Variants in SYN2 observed in about 807,000 individuals in gnomAD.
The protein encoded by SYN2 is synapsin-2.
A neutral mutation model predicts 50.9 loss-of-function variants in SYN2; 19 were observed. The observed-to-expected ratio is 0.37, with a 90% CI of 0.26 to 0.55. The LOEUF (loss-of-function observed/expected upper bound fraction) is 0.55. Among genes scored for constraint, SYN2 ranks in the 20% least tolerant of loss-of-function variants. The probability of loss-of-function intolerance (pLI) is 0.81; values close to 1 mark genes in which losing one functional copy is unlikely to be tolerated. For synonymous variants in SYN2, 255 were observed against 224.9 expected (o/e 1.13, Z -1.20); for missense variants, 587 against 576.4 (o/e 1.02, Z -0.19).
Position 12,097,385 on chromosome 3 carries a change from T to C in SYN2, c.378-43266T>C, listed in dbSNP as rs141291934. ...ACTTTGGGAGGCCAAGATGGGTGGA[T>C]AACGAGGTCAGGAGATCAAGACCAT... On this transcript the variant is annotated intron_variant, in intron 1 of 12. Transcript: ENST00000621198. Among the ~76,000 whole-genome samples the C allele has an allele frequency of 1.1e-4, 16 of 152,090 alleles. No individual in the cohort carries two copies. In the East Asian group the frequency reaches 3.1e-3, roughly 30 times the overall value.
intron 1 of SYN2, among the ~76,000 whole-genome samples, chr3:12,102,553 C>T (rs912422117): frequency 3.3e-5 from 5 of 152,158 alleles, no homozygotes; most frequent in African/African-American, 1.2e-4. Flanking sequence ...TTGCCCCCAA[C>T]TAAAGCTGAT....
At chr3:12,159,923 GT>G (rs1276081273) in intron 5 of SYN2, among the ~76,000 whole-genome samples, 5 of 151,766 alleles carry the variant, frequency 3.3e-5, no homozygotes, top group African/African-American at 1.2e-4. Context: ...TACACCTGTA[GT>G]CCCAGGTACT....
chr3:12,143,154 C>A (rs1697062503), intron 3 of SYN2, among the ~76,000 whole-genome samples: 1 of 152,084 alleles, frequency 6.6e-6, no homozygotes. Flanking sequence ...AGGGGCTGGC[C>A]ACAGTGTACA....
intron 1 of SYN2, among the ~76,000 whole-genome samples, chr3:12,034,720 C>G (rs1044080970): frequency 2.0e-5 from 3 of 152,140 alleles, no homozygotes; most frequent in African/African-American, 4.8e-5. Context: ...CAGCATTTGT[C>G]CATTCACGAA....
At chr3:12,112,081 G>A (rs1243333716) in intron 1 of SYN2, among the ~76,000 whole-genome samples, 1 of 152,156 alleles carries the variant, frequency 6.6e-6, no homozygotes, top group Non-Finnish European at 1.5e-5. Context: ...TGCTAAGAGG[G>A]GGAGCAGTGT....
At position 12,191,207 on chromosome 3, in the gene SYN2, G is replaced by A. The variant is rs767542454; in HGVS notation, c.*582G>A. 1.2e-5 allele frequency: 12 copies of A among 982,494 alleles called. 1 individual carries two copies. Among genetic ancestry groups the A allele is most frequent in the Middle Eastern group, 5.2e-4 (1 of 1,928 alleles). The allele number at this position is 982,494 out of a possible 1,614,324, so 60.9% of individuals were successfully genotyped here. A position where few individuals can be genotyped will look rare whatever the true frequency, so the allele number is the denominator to read the frequency against. On this transcript the variant is annotated 3_prime_UTR_variant, in exon 13 of 13. Transcript: ENST00000621198. ...AAGCACCTTGAGTCTGCTGATATTCGGGAGAACAAGGATCTGCAGTTTCCC... is the reference window on the plus strand; with the variant it reads ...AAGCACCTTGAGTCTGCTGATATTCAGGAGAACAAGGATCTGCAGTTTCCC...
rs149389570 is a variant in SYN2 at position 12,086,337 on chromosome 3, G to C, written c.378-54314G>C. Among the ~76,000 whole-genome samples, 3 of 152,242 alleles carry C rather than the reference G, an allele frequency of 2.0e-5. No homozygotes were observed. The East Asian group carries it at 5.8e-4, about 29-fold the overall frequency. On this transcript the variant is annotated intron_variant, in intron 1 of 12. Transcript: ENST00000621198. The stretch of plus-strand genomic sequence containing the variant: ...TCTCAAACTCTTCCAAAAAATGGAA[G>C]AGGAGGGAATACTTCCAAACTCGTT...
At chr3:12,130,307 C>G (rs1258927081) in intron 1 of SYN2, among the ~76,000 whole-genome samples, 1 of 151,884 alleles carries the variant, frequency 6.6e-6, no homozygotes, top group African/African-American at 2.4e-5. Context: ...TGAGAAGTCC[C>G]AAGATCTGCA....
At chr3:12,015,466 CAAT>C (rs1240666444) in intron 1 of SYN2, among the ~76,000 whole-genome samples, 3 of 152,116 alleles carry the variant, frequency 2.0e-5, no homozygotes, top group Non-Finnish European at 4.4e-5. Context: ...ATGAAAATAT[CAAT>C]GATGAGCAAA....
intron 5 of SYN2, chr3:12,158,770 G>C: frequency 6.2e-7 from 1 of 1,604,970 alleles, no homozygotes; most frequent in Non-Finnish European, 8.5e-7. Flanking sequence ...ACCCAGCCCC[G>C]GGGGCCGCAG....
intron 1 of SYN2, among the ~76,000 whole-genome samples, chr3:12,056,659 C>T (rs1694997035): frequency 6.6e-6 from 1 of 152,096 alleles, no homozygotes; most frequent in Non-Finnish European, 1.5e-5. Context: ...TTGGCAGAGT[C>T]TCAGAAGTTA....
At chr3:12,142,657 G>A (rs1697048009) in intron 3 of SYN2, among the ~76,000 whole-genome samples, 2 of 152,226 alleles carry the variant, frequency 1.3e-5, no homozygotes, top group Admixed American at 1.3e-4. Flanking sequence ...TTGTGAGAGA[G>A]GTAATGAGAA....
intron 1 of SYN2, among the ~76,000 whole-genome samples, chr3:12,044,207 A>ACACACACACACC (rs1694687303): frequency 5.5e-5 from 8 of 144,922 alleles, no homozygotes; most frequent in South Asian, 2.2e-4. Context: ...ACACACACAC[A>ACACACACACACC]CACACACACA....
In SYN2 at chr3:12,035,369, G is replaced by A. The variant is rs575732301; in HGVS notation, c.377+30441G>A. On this transcript the variant is annotated intron_variant, in intron 1 of 12. Transcript: ENST00000621198. ...ACACTGGTAGTTCTGCAGTTCTGTG[G>A]TGTTAGGGGGCTTATTACTGAACCA... 3.3e-5 allele frequency among the ~76,000 whole-genome samples: 5 copies of A among 152,308 alleles called. No homozygotes were observed. In the East Asian group the frequency reaches 7.7e-4, roughly 24 times the overall value.
chr3:12,012,288 C>G (rs1016534454), intron 1 of SYN2, among the ~76,000 whole-genome samples: 2 of 151,814 alleles, frequency 1.3e-5, no homozygotes, highest in Non-Finnish European at 2.9e-5. Flanking sequence ...TTCAGTTTTA[C>G]TTGTAACTAA....
chr3:12,074,352 A>G (rs1004211718), intron 1 of SYN2, among the ~76,000 whole-genome samples: 1 of 152,124 alleles, frequency 6.6e-6, no homozygotes, highest in Non-Finnish European at 1.5e-5. Context: ...TGTTTGTATA[A>G]TGCTCACTAC....
chr3:12,088,103 G>T (rs1695749982), intron 1 of SYN2, among the ~76,000 whole-genome samples: 1 of 151,998 alleles, frequency 6.6e-6, no homozygotes, highest in Non-Finnish European at 1.5e-5. Flanking sequence ...GCACAGCAAA[G>T]AAAACAACAG....
At chr3:12,043,773 T>G (rs1221256221) in intron 1 of SYN2, among the ~76,000 whole-genome samples, 1 of 152,162 alleles carries the variant, frequency 6.6e-6, no homozygotes, top group Non-Finnish European at 1.5e-5. Flanking sequence ...TGGAAAAGTC[T>G]CAGCATCTGT....
chr3:12,150,524 A>G (rs137940289), intron 4 of SYN2, among the ~76,000 whole-genome samples: 1 of 152,100 alleles, frequency 6.6e-6, no homozygotes, highest in Non-Finnish European at 1.5e-5. Flanking sequence ...CCAGGTGTGC[A>G]CTAAGAAAGC....
Sources: gnomAD v4.1 joint callset for allele counts (sites outside exome capture counted in the v4.1 genomes callset) on GRCh38, gnomAD v4.1.1 for gene constraint, MANE v1.5 for transcripts, NCBI Gene and HGNC (gene_info 2026-07-23, HGNC 2026-07-21) for gene names.